PCDHGB7: variants seen among roughly 807,000 people sequenced by gnomAD.
PCDHGB7 encodes protocadherin gamma-B7.
In PCDHGB7, 37 loss-of-function variants were observed where a neutral mutation model predicts 61.4. That is an observed-to-expected ratio of 0.60 (90% CI 0.46 to 0.79). The LOEUF is 0.79. Among genes scored for constraint, PCDHGB7 ranks in the 30% least tolerant of loss-of-function variants. The probability of loss-of-function intolerance (pLI) is 0.00; values close to 1 mark genes in which losing one functional copy is unlikely to be tolerated. For synonymous variants in PCDHGB7, 464 were observed against 503.5 expected, an observed-to-expected ratio of 0.92 and a Z score of 1.05; for missense variants, 1,166 against 1,202.5, an observed-to-expected ratio of 0.97 and a Z score of 0.45.
At chr5:141,458,774 A>G (rs2154566349) in intron 1 of PCDHGB7, among the ~76,000 whole-genome samples, 1 of 151,812 alleles carries the variant, frequency 6.6e-6, no homozygotes, top group Admixed American at 6.6e-5. Flanking sequence ...GCTGTGTCAC[A>G]CAGGCTGGAG....
chr5:141,420,507 A>G (rs548077936), intron 1 of PCDHGB7: 1 of 428,282 alleles, frequency 2.3e-6, no homozygotes, highest in African/African-American at 2.0e-5. Context: ...TGACATTTTT[A>G]TGAAGTAAAA....
chr5:141,455,495 G>C (rs2098824459), intron 1 of PCDHGB7, among the ~76,000 whole-genome samples: 1 of 152,204 alleles, frequency 6.6e-6, no homozygotes, highest in East Asian at 1.9e-4. Flanking sequence ...GGTGATGTCT[G>C]ATTTGCATAG....
At chr5:141,499,966 G>A (rs1403177792) in intron 2 of PCDHGB7, among the ~76,000 whole-genome samples, 1 of 151,988 alleles carries the variant, frequency 6.6e-6, no homozygotes, top group African/African-American at 2.4e-5. Flanking sequence ...GGGATTACAG[G>A]TGTGAGCCAC....
intron 1 of PCDHGB7, chr5:141,421,414 C>G: frequency 6.2e-7 from 1 of 1,614,066 alleles, no homozygotes; most frequent in Non-Finnish European, 8.5e-7. Flanking sequence ...GCTGGCGAAG[C>G]GCGGAGTCCG....
Position 141,419,585 on chromosome 5 carries a change from G to C in PCDHGB7, c.1726G>C (p.Asp576His), listed in dbSNP as rs2096403161. Residue 576 changes from aspartate to histidine, a missense_variant, in exon 1 of 4, where the codon GAC becomes CAC. Transcript: ENST00000398594. ...ALGPDGSALFDTVPRAAQPGY... is the reference protein window; with the variant it reads ...ALGPDGSALFHTVPRAAQPGY... ...GGGTCCCGACGGCTCCGCGCTCTTC[G>C]ACACAGTGCCGCGGGCCGCGCAGCC... The C allele has an allele frequency of 5.0e-6, 8 of 1,611,776 alleles. No individual in the cohort carries two copies. Among genetic ancestry groups the C allele is most frequent in the Non-Finnish European group, 6.8e-6 (8 of 1,179,548 alleles).
rs1223789288 is a variant in PCDHGB7 at position 141,419,177 on chromosome 5, C to T, written c.1318C>T (p.Leu440=). The change falls in exon 1 of 4, where the codon CTG becomes TTG. Residue 440 remains leucine, a synonymous_variant. Transcript: ENST00000398594. ...GTTATCCTCCAGCAAAACCATAACCCTGCACATTACTGACGTCAATGACAA... is the reference window on the plus strand; with the variant it reads ...GTTATCCTCCAGCAAAACCATAACCTTGCACATTACTGACGTCAATGACAA... ...PPLSSSKTIT[L]HITDVNDNAP... 5.0e-6 allele frequency: 8 copies of T among 1,613,862 alleles called. No individual in the cohort carries two copies. Among genetic ancestry groups the T allele is most frequent in the Admixed American group, 1.7e-5 (1 of 60,000 alleles).
intron 1 of PCDHGB7, among the ~76,000 whole-genome samples, chr5:141,454,379 T>A (rs770736083): frequency 1.2e-3 from 179 of 152,316 alleles, no homozygotes; most frequent in Non-Finnish European, 2.1e-3. Flanking sequence ...TGGCAACTTG[T>A]CAAGATGAAG....
At chr5:141,422,171 T>C (rs1204753893) in intron 1 of PCDHGB7, 4 of 1,564,922 alleles carry the variant, frequency 2.6e-6, no homozygotes, top group Non-Finnish European at 3.4e-6. Context: ...AAATATAGAT[T>C]CTATGAGATG....
At chr5:141,455,394 C>T (rs1034564159) in intron 1 of PCDHGB7, among the ~76,000 whole-genome samples, 2 of 152,004 alleles carry the variant, frequency 1.3e-5, no homozygotes, top group African/African-American at 4.8e-5. Context: ...AAGGAGCTCC[C>T]CCTTACAGAG....
chr5:141,468,486 TG>T (rs1562016448), intron 1 of PCDHGB7: 14 of 152,288 alleles, frequency 9.2e-5, no homozygotes. Context: ...GTAGGTCTCA[TG>T]GAAGATTTTC....
rs543209695 is a variant in PCDHGB7 at position 141,431,563 on chromosome 5, C to T, written c.2415+11289C>T. 24 of 1,614,026 alleles carry T rather than the reference C, an allele frequency of 1.5e-5. No individual in the cohort carries two copies. Among genetic ancestry groups the T allele is most frequent in the Non-Finnish European group, 1.9e-5 (23 of 1,180,046 alleles). ...AGCTGCTTGTAGTCAACGCTACCGA[C>T]CCTGACGAAGGAGTCAATGCGGAAG... On this transcript the variant is annotated intron_variant, in intron 1 of 3. Transcript: ENST00000398594. The surrounding 1 kb of genome is among the most constrained non-coding windows in gnomAD (Gnocchi z 4.8).
rs1032814206 is a variant in PCDHGB7, at chr5:141,472,764, T to A, written c.2416-22043T>A. Among the ~76,000 whole-genome samples, 12 of 152,040 alleles carry A rather than the reference T, an allele frequency of 7.9e-5. No individual in the cohort carries two copies. The East Asian group carries it at 2.1e-3, about 27-fold the overall frequency. ...ACTTTGGGAGGCGGAGGCTGGCAGATCACCTGAGGTTGGGAGTTCAAGATC... is the reference window on the plus strand; with the variant it reads ...ACTTTGGGAGGCGGAGGCTGGCAGAACACCTGAGGTTGGGAGTTCAAGATC... On this transcript the variant is annotated intron_variant, in intron 1 of 3. Coordinates refer to ENST00000398594, the MANE Select transcript of PCDHGB7 (RefSeq NM_018927.4).
At chr5:141,451,925 G>A (rs1391178313) in intron 1 of PCDHGB7, among the ~76,000 whole-genome samples, 2 of 152,012 alleles carry the variant, frequency 1.3e-5, no homozygotes, top group East Asian at 3.8e-4. Context: ...AGGAAGGGAG[G>A]TAGGGAGGCA....
At position 141,432,902 on chromosome 5, in the gene PCDHGB7, A is replaced by C. The variant is rs992417865; in HGVS notation, c.2415+12628A>C. The C allele has an allele frequency of 1.2e-6, 2 of 1,614,028 alleles. No homozygotes were observed. The highest frequency in any genetic ancestry group is 2.7e-5 in the African/African-American group (2 of 74,924). On this transcript the variant is annotated intron_variant, in intron 1 of 3. Coordinates refer to ENST00000398594, the MANE Select transcript of PCDHGB7 (RefSeq NM_018927.4). The surrounding 1 kb of genome is among the most constrained non-coding windows in gnomAD (Gnocchi z 6.0). ...CTTCGTCATCTTGCTGCTGGCGCTCAGGCTGCGGCGCTGGCACAAGTCACG... is the reference window on the plus strand; with the variant it reads ...CTTCGTCATCTTGCTGCTGGCGCTCCGGCTGCGGCGCTGGCACAAGTCACG...
intron 1 of PCDHGB7, chr5:141,430,641 T>G: frequency 1.1e-6 from 1 of 902,670 alleles, no homozygotes. Context: ...TCCCTGGGAG[T>G]ATGTGGAAAC....
In PCDHGB7 at chr5:141,489,720, G is replaced by A. The variant is rs560729125; in HGVS notation, c.2416-5087G>A. ...TCCCACTGGACAGTGCCCAGGATCC[G>A]GATGTGGGCACCAATACTGTGAGCT... On this transcript the variant is annotated intron_variant, in intron 1 of 3. Transcript: ENST00000398594. The surrounding 1 kb of genome is among the most constrained non-coding windows in gnomAD (Gnocchi z 4.5). The A allele has an allele frequency of 3.2e-5, 51 of 1,614,200 alleles. No individual in the cohort carries two copies. The highest frequency in any genetic ancestry group is 9.3e-5 in the African/African-American group (7 of 75,048).
chr5:141,453,620 A>G (rs2098770145), intron 1 of PCDHGB7, among the ~76,000 whole-genome samples: 1 of 152,196 alleles, frequency 6.6e-6, no homozygotes. Context: ...CAAAAACAAA[A>G]CCTATACATA....
At chr5:141,449,471 G>T (rs1261821886) in intron 1 of PCDHGB7, among the ~76,000 whole-genome samples, 1 of 151,060 alleles carries the variant, frequency 6.6e-6, no homozygotes, top group African/African-American at 2.4e-5. Flanking sequence ...GCCAGGCCTG[G>T]TACCCCATGC....
chr5:141,443,561 C>T (rs1487096752), intron 1 of PCDHGB7, among the ~76,000 whole-genome samples: 3 of 152,118 alleles, frequency 2.0e-5, no homozygotes, highest in Non-Finnish European at 1.5e-5. Context: ...AATTCAAATG[C>T]TTTAAATGGA....
Sources: gnomAD v4.1 joint callset for allele counts (sites outside exome capture counted in the v4.1 genomes callset) on GRCh38, gnomAD v4.1.1 for gene constraint, Gnocchi (gnomAD v3.1) non-coding constraint, MANE v1.5 for transcripts, NCBI Gene and HGNC (gene_info 2026-07-23, HGNC 2026-07-21) for gene names.